Variants in DMD observed in about 807,000 individuals in gnomAD.
DMD encodes mutant dystrophin.
In DMD, 63 loss-of-function variants were observed where a neutral mutation model predicts 330.1. The ratio of observed to expected loss-of-function variants is 0.19; its 90% CI spans 0.16 to 0.24. The LOEUF (loss-of-function observed/expected upper bound fraction) is 0.24, where lower values mean the gene tolerates loss of function less well. DMD is among the 10% of genes least tolerant of loss of function. The pLI, the probability that DMD is intolerant of heterozygous loss-of-function variation, is 1.00. For missense variants in DMD, 3,344 were observed against 2,684.1 expected, an observed-to-expected ratio of 1.25 and a Z score of -5.43; for synonymous variants, 1,223 against 959.8, an observed-to-expected ratio of 1.27 and a Z score of -5.07.
intron 7 of DMD, among the ~76,000 whole-genome samples, chrX:32,746,715 AATCCTCTCTT>A (rs887819438): frequency 1.8e-5 from 2 of 111,818 alleles, no homozygotes; most frequent in Non-Finnish European, 3.8e-5. Flanking sequence ...GAAGTTTCAA[AATCCTCTCTT>A]CTAGCTATTT....
chrX:32,483,966 T>A (rs1372533041), intron 21 of DMD, among the ~76,000 whole-genome samples: 1 of 111,023 alleles, frequency 9.0e-6, no homozygotes, highest in Non-Finnish European at 1.9e-5. Context: ...GTGAATTCTT[T>A]AAATATTTAC....
chrX:32,573,451 G>A, intron 15 of DMD, 79 bp downstream of exon 15: 2 of 759,846 alleles, frequency 2.6e-6, no homozygotes, highest in Non-Finnish European at 4.1e-6. Context: ...ATATTCAATA[G>A]CATAGAAGAG....
chrX:32,191,415 C>T (rs2096975024), intron 44 of DMD, among the ~76,000 whole-genome samples: 1 of 112,013 alleles, frequency 8.9e-6, no homozygotes, highest in South Asian at 3.7e-4. Context: ...GGTTTAAAAT[C>T]TCTTGTAAGA....
At chrX:32,580,416 T>G (rs1203031964) in intron 13 of DMD, among the ~76,000 whole-genome samples, 1 of 112,290 alleles carries the variant, frequency 8.9e-6, no homozygotes, top group Non-Finnish European at 1.9e-5. Context: ...TCAGTTCTAC[T>G]GTTGCCCAAC....
chrX:31,921,116 A>T (rs2094684117), intron 47 of DMD, among the ~76,000 whole-genome samples: 1 of 111,060 alleles, frequency 9.0e-6, no homozygotes, highest in Admixed American at 9.6e-5. Context: ...AGGTAGGGGG[A>T]AGGGATGGGG....
At chrX:32,896,176 C>A (rs1053080460) in intron 2 of DMD, among the ~76,000 whole-genome samples, 2 of 111,393 alleles carry the variant, frequency 1.8e-5, no homozygotes, top group Non-Finnish European at 3.8e-5. Context: ...GTGGAGAACA[C>A]CCTACTCCTT....
chrX:32,704,431 C>A (rs1168332678), intron 7 of DMD, among the ~76,000 whole-genome samples: 2 of 111,823 alleles, frequency 1.8e-5, no homozygotes, highest in Non-Finnish European at 1.9e-5. Flanking sequence ...TGGGTGTAAC[C>A]TTCAAACACC....
chrX:32,651,773 G>T (rs1049173220), intron 9 of DMD, among the ~76,000 whole-genome samples: 1 of 111,619 alleles, frequency 9.0e-6, no homozygotes, highest in Admixed American at 9.5e-5. Flanking sequence ...CACCTACTAC[G>T]TAGCCACAAA....
chrX:31,910,557 T>C (rs1402703096), intron 47 of DMD, among the ~76,000 whole-genome samples: 1 of 111,699 alleles, frequency 9.0e-6, no homozygotes, highest in Non-Finnish European at 1.9e-5. Flanking sequence ...AGAAATAAAA[T>C]ATTGGTACAA....
intron 51 of DMD, among the ~76,000 whole-genome samples, chrX:31,773,702 A>C (rs1311964738): frequency 3.8e-5 from 4 of 105,956 alleles, no homozygotes; most frequent in Non-Finnish European, 7.7e-5. Flanking sequence ...TAACTGAGAC[A>C]ACTATTCTTG....
chrX:32,210,719 C>T (rs2097090491), intron 44 of DMD, among the ~76,000 whole-genome samples: 1 of 111,808 alleles, frequency 8.9e-6, no homozygotes, highest in South Asian at 3.7e-4. Flanking sequence ...GTAGCAGATA[C>T]TGTCAGTGAC....
intron 2 of DMD, among the ~76,000 whole-genome samples, chrX:32,967,049 G>T (rs2092187183): frequency 9.0e-6 from 1 of 111,688 alleles, no homozygotes; most frequent in Non-Finnish European, 1.9e-5. Context: ...GGCTGGGCAG[G>T]ATATGTACTG....
At chrX:32,252,275 T>C (rs2097266580) in intron 43 of DMD, among the ~76,000 whole-genome samples, 1 of 110,529 alleles carries the variant, frequency 9.0e-6, no homozygotes, top group Non-Finnish European at 1.9e-5. Context: ...TCAATACTTT[T>C]CCTCACAGAT....
At chrX:31,835,823 A>C (rs1393686461) in intron 49 of DMD, among the ~76,000 whole-genome samples, 1 of 111,710 alleles carries the variant, frequency 9.0e-6, no homozygotes, top group African/African-American at 3.3e-5. Context: ...TATTGACCTG[A>C]ACTGTTTTCA....
At chrX:32,523,932 C>CTTTTTTTTTT (rs57254581) in intron 17 of DMD, among the ~76,000 whole-genome samples, 8 of 87,449 alleles carry the variant, frequency 9.1e-5, no homozygotes, top group African/African-American at 3.6e-4. Flanking sequence ...CAAAAGAAAT[C>CTTTTTTTTTT]TTTTTTTTTT....
chrX:31,938,715 A>C (rs2094954983), intron 45 of DMD, among the ~76,000 whole-genome samples: 1 of 111,997 alleles, frequency 8.9e-6, no homozygotes, highest in Admixed American at 9.5e-5. Context: ...ACACATTTAC[A>C]TAACAGAATA....
chrX:31,655,746 CACA>C (rs1291289347), intron 54 of DMD, among the ~76,000 whole-genome samples: 2 of 110,958 alleles, frequency 1.8e-5, no homozygotes, highest in East Asian at 5.7e-4. Flanking sequence ...GGAATCATGA[CACA>C]ACAAGAAGGC....
At chrX:32,521,280 C>A (rs2046394124) in intron 17 of DMD, among the ~76,000 whole-genome samples, 1 of 112,080 alleles carries the variant, frequency 8.9e-6, no homozygotes, top group African/African-American at 3.2e-5. Context: ...AGGAATTCCC[C>A]TGCCTCAGCC....
At chrX:31,136,661 T>A (rs775188757) in intron 76 of DMD, among the ~76,000 whole-genome samples, 81 of 112,551 alleles carry the variant, frequency 7.2e-4, no homozygotes, top group Non-Finnish European at 1.1e-3. Flanking sequence ...AGGAACTCAA[T>A]TGTACTGTGT....
Sources: gnomAD v4.1 joint callset for allele counts (sites outside exome capture counted in the v4.1 genomes callset) on GRCh38, gnomAD v4.1.1 for gene constraint, MANE v1.5 for transcripts, NCBI Gene and HGNC (gene_info 2026-07-23, HGNC 2026-07-21) for gene names.